The following UBE3A variants were observed in gnomAD, a reference collection of about 807,000 sequenced individuals.
UBE3A encodes ubiquitin protein ligase E3A, also known as ubiquitin-protein ligase E3A.
A neutral mutation model predicts 83.4 loss-of-function variants in UBE3A; 6 were observed. The observed-to-expected ratio is 0.07, with a 90% CI of 0.04 to 0.14. The LOEUF (loss-of-function observed/expected upper bound fraction) is 0.14, where lower values mean the gene tolerates loss of function less well. UBE3A is among the 10% of genes least tolerant of loss of function. UBE3A has a pLI of 1.00. For synonymous variants in UBE3A, 337 were observed against 355.4 expected (o/e 0.95, Z 0.58); for missense variants, 456 against 1,036.1 (o/e 0.44, Z 7.69).
At chr15:25,401,873 A>AT (rs1307053496) in intron 4 of UBE3A, among the ~76,000 whole-genome samples, 10 of 151,754 alleles carry the variant, frequency 6.6e-5, no homozygotes, top group Non-Finnish European at 1.2e-4. Context: ...CATTTATTGC[A>AT]TTTTCAGCTT....
chr15:25,360,053 G>A (rs1440996721), intron 7 of UBE3A, among the ~76,000 whole-genome samples: 1 of 152,214 alleles, frequency 6.6e-6, no homozygotes. Flanking sequence ...AAAACCGTGA[G>A]TTTGATGATG....
At chr15:25,390,956 T>TA (rs552120766) in intron 4 of UBE3A, among the ~76,000 whole-genome samples, 41 of 149,046 alleles carry the variant, frequency 2.8e-4, no homozygotes, top group East Asian at 2.2e-3. Context: ...AAAAAAAATC[T>TA]AAAAAAAAAT....
chr15:25,427,447 C>G (rs1192778350), intron 1 of UBE3A, among the ~76,000 whole-genome samples: 2 of 151,690 alleles, frequency 1.3e-5, no homozygotes, highest in Non-Finnish European at 2.9e-5. Context: ...AGGTAAGGCT[C>G]AGAAAGTAGA....
chr15:25,406,873 A>AC (rs1052833528), intron 3 of UBE3A, among the ~76,000 whole-genome samples: 1 of 151,464 alleles, frequency 6.6e-6, no homozygotes, highest in Non-Finnish European at 1.5e-5. Flanking sequence ...AAAAAAAAAA[A>AC]AGACTCCAGC....
intron 1 of UBE3A, among the ~76,000 whole-genome samples, chr15:25,429,458 A>T (rs1892409052): frequency 6.6e-6 from 1 of 152,240 alleles, no homozygotes; most frequent in Admixed American, 6.5e-5. Flanking sequence ...AAGACATATT[A>T]GCATATAATG....
intron 3 of UBE3A, among the ~76,000 whole-genome samples, chr15:25,406,872 AAAG>A (rs2088719746): frequency 6.6e-6 from 1 of 151,410 alleles, no homozygotes; most frequent in Admixed American, 6.6e-5. Flanking sequence ...AAAAAAAAAA[AAAG>A]ACTCCAGCAG....
At chr15:25,368,429 T>C (rs1459057138) in intron 6 of UBE3A, among the ~76,000 whole-genome samples, 6 of 152,116 alleles carry the variant, frequency 3.9e-5, no homozygotes, top group African/African-American at 1.4e-4. Context: ...GAAAGAAAGT[T>C]AAGAGTAAAA....
At chr15:25,430,695 C>T (rs1715655141) in intron 1 of UBE3A, among the ~76,000 whole-genome samples, 1 of 152,052 alleles carries the variant, frequency 6.6e-6, no homozygotes, top group African/African-American at 2.4e-5. Context: ...TTACAAGTGC[C>T]TAAAACTGTA....
chr15:25,427,327 T>G (rs1418636855), intron 1 of UBE3A, among the ~76,000 whole-genome samples: 1 of 151,898 alleles, frequency 6.6e-6, no homozygotes, highest in African/African-American at 2.4e-5. Context: ...AAGGCTTCCC[T>G]GAGTAATATT....
chr15:25,341,151 G>A (rs2074697212), intron 11 of UBE3A, among the ~76,000 whole-genome samples: 1 of 151,682 alleles, frequency 6.6e-6, no homozygotes, highest in African/African-American at 2.4e-5. Flanking sequence ...CTCATTGCAA[G>A]CTCCGCCTCC....
At chr15:25,358,647 T>C (rs529289684) in intron 7 of UBE3A, among the ~76,000 whole-genome samples, 90 of 152,326 alleles carry the variant, frequency 5.9e-4, no homozygotes, top group African/African-American at 2.1e-3. Flanking sequence ...TTAACCTGTT[T>C]ATAAGAATTT....
At chr15:25,406,910 T>C (rs1371600249) in intron 3 of UBE3A, among the ~76,000 whole-genome samples, 1 of 150,524 alleles carries the variant, frequency 6.6e-6, no homozygotes, top group Admixed American at 6.6e-5. Context: ...TTAGATCTTC[T>C]TTGCAATGTA....
At chr15:25,359,899 A>G (rs1217404873) in intron 7 of UBE3A, among the ~76,000 whole-genome samples, 2 of 152,184 alleles carry the variant, frequency 1.3e-5, no homozygotes, top group Non-Finnish European at 2.9e-5. Context: ...AACACTACCT[A>G]TATTAAGCCC....
chr15:25,437,277 T>A lies in UBE3A; in HGVS notation c.-165+1212A>T, dbSNP rs578247746. On this transcript the variant is annotated intron_variant, in intron 1 of 12. Coordinates refer to ENST00000648336, the MANE Select transcript of UBE3A (RefSeq NM_130839.5). ...CAACTTTCTTATCTCTCCTAAATTC[T>A]AAATTTTACATGATTTACCAAATCA... is the stretch of plus-strand genomic sequence containing the variant. Among the ~76,000 whole-genome samples, 5 of 152,334 alleles carry A rather than the reference T, an allele frequency of 3.3e-5. No individual in the cohort carries two copies. In the South Asian group the frequency reaches 1.0e-3, roughly 32 times the overall value.
chr15:25,405,622 T>C (rs2088338926), intron 3 of UBE3A, 120 bp from the exon 4 acceptor site: 4 of 1,072,064 alleles, frequency 3.7e-6, no homozygotes, highest in Non-Finnish European at 5.6e-6. Context: ...AAAACAGTTT[T>C]AAAATTAAAG....
chr15:25,408,282 T>G (rs2089167684), intron 3 of UBE3A: 1 of 351,998 alleles, frequency 2.8e-6, no homozygotes, highest in African/African-American at 2.1e-5. Flanking sequence ...TGACTTTGGC[T>G]CCTAAAGAGT....
chr15:25,404,470 T>C (rs139413803), intron 4 of UBE3A, among the ~76,000 whole-genome samples: 1 of 152,332 alleles, frequency 6.6e-6, no homozygotes, highest in Non-Finnish European at 1.5e-5. Flanking sequence ...ACCTCTATTA[T>C]CTGAAACATC....
chr15:25,429,915 G>T (rs541810207), intron 1 of UBE3A, among the ~76,000 whole-genome samples: 6 of 148,006 alleles, frequency 4.1e-5, no homozygotes, highest in African/African-American at 1.3e-4. Context: ...TGAGGCAGGA[G>T]AATCACTTGA....
chr15:25,352,716 G>C (rs1470853419), intron 11 of UBE3A, among the ~76,000 whole-genome samples: 1 of 152,106 alleles, frequency 6.6e-6, no homozygotes, highest in Non-Finnish European at 1.5e-5. Flanking sequence ...TTCAACTACC[G>C]AATACTTGTA....
Sources: allele counts gnomAD v4.1 joint callset (sites outside exome capture counted in the v4.1 genomes callset), GRCh38; gene constraint gnomAD v4.1.1; transcripts MANE v1.5; gene names NCBI Gene and HGNC (gene_info 2026-07-23, HGNC 2026-07-21).